Variants in CHEK2 observed in about 807,000 individuals in gnomAD.
The protein encoded by CHEK2 is serine/threonine-protein kinase Chk2.
A neutral mutation model predicts 69.1 loss-of-function variants in CHEK2; 71 were observed. That is an observed-to-expected ratio of 1.03 (90% CI 0.85 to 1.25). The LOEUF (loss-of-function observed/expected upper bound fraction) is 1.25. Among genes scored for constraint, CHEK2 ranks in the 50% most tolerant of loss-of-function variants. The pLI is 0.00. For synonymous variants in CHEK2, 189 were observed against 226.9 expected (o/e 0.83, Z 1.50); for missense variants, 664 against 649.6 (o/e 1.02, Z -0.24).
chr22:28,731,136 G>C (rs2054201944), intron 2 of CHEK2, among the ~76,000 whole-genome samples: 1 of 152,014 alleles, frequency 6.6e-6, no homozygotes, highest in South Asian at 2.1e-4. Context: ...CTGGGAGGCA[G>C]AGGCTGAAGT....
At chr22:28,733,980 G>A (rs547853461) in intron 2 of CHEK2, among the ~76,000 whole-genome samples, 2 of 151,836 alleles carry the variant, frequency 1.3e-5, no homozygotes, top group East Asian at 3.9e-4. Context: ...TTTGCACTCT[G>A]GCCTATGATC....
chr22:28,715,771 A>G (rs1244942800), intron 5 of CHEK2, among the ~76,000 whole-genome samples: 1 of 152,054 alleles, frequency 6.6e-6, no homozygotes, highest in African/African-American at 2.4e-5. Context: ...TACCTGACTC[A>G]TTTGAGTTGA....
rs1365428441 is a variant in CHEK2, at chr22:28,699,831, C to T, written c.1008+7G>A. 1 of 1,605,756 alleles carries T rather than the reference C, an allele frequency of 6.2e-7. No homozygotes were observed. Among genetic ancestry groups the T allele is most frequent in the Non-Finnish European group, 8.5e-7 (1 of 1,172,446 alleles). ...CAGCTGTCAAAAGAATTGAGGGCTTCTTTTACCTGCACAGCCAAGAGCATC... is the reference window on the plus strand; with the variant it reads ...CAGCTGTCAAAAGAATTGAGGGCTTTTTTTACCTGCACAGCCAAGAGCATC... On this transcript the variant is annotated splice_region_variant and intron_variant, in intron 9 of 14. Coordinates refer to ENST00000404276, the MANE Select transcript of CHEK2 (RefSeq NM_007194.4).
chr22:28,719,453 G>T lies in CHEK2; in HGVS notation c.625C>A (p.Gln209Lys). 1 of 1,596,916 alleles carries T rather than the reference G, an allele frequency of 6.3e-7. No homozygotes were observed. The highest frequency in any genetic ancestry group is 1.1e-5 in the South Asian group (1 of 88,932). ...FVFFDLTVDDQSVYPKALRDE... is the reference protein window; with the variant it reads ...FVFFDLTVDDKSVYPKALRDE... Reference sequence around the variant, plus strand: ...CTTAATGCCTTAGGATAAACTGACTGATCATCTACAGTCAGATCAAAAAAG... The same window carrying T: ...CTTAATGCCTTAGGATAAACTGACTTATCATCTACAGTCAGATCAAAAAAG... The change falls in exon 5 of 15, where the codon CAG becomes AAG. Residue 209 changes from glutamine to lysine, a missense_variant. Coordinates refer to ENST00000404276, the MANE Select transcript of CHEK2 (RefSeq NM_007194.4).
intron 5 of CHEK2, among the ~76,000 whole-genome samples, chr22:28,712,563 C>G (rs2053442845): frequency 6.6e-6 from 1 of 152,182 alleles, no homozygotes; most frequent in South Asian, 2.1e-4. Flanking sequence ...AGCCTACTTT[C>G]AGCAACCTCT....
chr22:28,723,264 C>A (rs1223414564), intron 4 of CHEK2, among the ~76,000 whole-genome samples: 1 of 152,158 alleles, frequency 6.6e-6, no homozygotes, highest in Non-Finnish European at 1.5e-5. Flanking sequence ...TAAAGTGAGC[C>A]TCTTACAGAA....
rs587781592 is a variant in CHEK2, at chr22:28,734,571, G to A, written c.151C>T (p.Gln51Ter). 1.2e-6 allele frequency: 2 copies of A among 1,613,958 alleles called. No individual in the cohort carries two copies. The highest frequency in any genetic ancestry group is 1.7e-6 in the Non-Finnish European group (2 of 1,180,006). The change falls in exon 2 of 15, where the codon CAG becomes TAG. Residue 51 changes from glutamine (Q) to a stop codon, truncating the protein, a stop_gained. Coordinates refer to ENST00000404276, the MANE Select transcript of CHEK2 (RefSeq NM_007194.4). LOFTEE classifies it high-confidence loss of function. Reference sequence around the variant, plus strand: ...GTCCCAGAGCTGGAGTGAGAGGACTGGCTGGAGTTTGGCATCGTGCTGGTA... The same window carrying A: ...GTCCCAGAGCTGGAGTGAGAGGACTAGCTGGAGTTTGGCATCGTGCTGGTA... ...SSTSTMPNSSQSSHSSSGTLS... is the reference protein window; with the variant it reads ...SSTSTMPNSS
At chr22:28,707,997 C>T (rs902059174) in intron 7 of CHEK2, among the ~76,000 whole-genome samples, 69 of 151,252 alleles carry the variant, frequency 4.6e-4, no homozygotes, top group African/African-American at 1.5e-3. Context: ...CCACCACGCC[C>T]GGCTAATTTT....
At chr22:28,693,303 G>A (rs2052435203) in intron 13 of CHEK2, among the ~76,000 whole-genome samples, 1 of 152,144 alleles carries the variant, frequency 6.6e-6, no homozygotes, top group South Asian at 2.1e-4. Context: ...CCTAGCAGGA[G>A]CACAGCGGTA....
intron 1 of CHEK2, among the ~76,000 whole-genome samples, chr22:28,736,886 T>C (rs557180074): frequency 4.0e-5 from 6 of 151,714 alleles, no homozygotes; most frequent in Non-Finnish European, 8.8e-5. Context: ...AAGGCTGCAG[T>C]GAGCTATGAT....
In CHEK2 at chr22:28,687,906, A is replaced by C. The variant is rs773670297; in HGVS notation, c.1623T>G (p.Ala541=). 14 of 1,596,316 alleles carry C rather than the reference A, an allele frequency of 8.8e-6. No individual in the cohort carries two copies. The South Asian group carries it at 1.5e-4, about 18-fold the overall frequency. The change falls in exon 15 of 15, where the codon GCT becomes GCG. Residue 541 remains alanine (A), a synonymous_variant. Coordinates refer to ENST00000404276, the MANE Select transcript of CHEK2 (RefSeq NM_007194.4). The part of the protein sequence containing the change: ...ETTKRPAVCA[A]VL Reference sequence around the variant, plus strand: ...GTTCAAACCACGGAGTTCACAACACAGCAGCACACACAGCTGGGCGCTTTG... The same window carrying C: ...GTTCAAACCACGGAGTTCACAACACCGCAGCACACACAGCTGGGCGCTTTG...
At chr22:28,700,070 T>C in intron 8 of CHEK2, 133 bp from the exon 9 acceptor site, 1 of 665,532 alleles carries the variant, frequency 1.5e-6, no homozygotes, top group Non-Finnish European at 2.7e-6. Flanking sequence ...TGACTCTCAT[T>C]TTTAAAACTA....
At chr22:28,703,341 T>C (rs2052963270) in intron 8 of CHEK2, among the ~76,000 whole-genome samples, 164 bp downstream of exon 8, 1 of 152,148 alleles carries the variant, frequency 6.6e-6, no homozygotes, top group African/African-American at 2.4e-5. Context: ...GGAGGGTTTT[T>C]TGGGTTGATA....
chr22:28,705,735 G>C (rs957454925), intron 7 of CHEK2, among the ~76,000 whole-genome samples: 6 of 151,886 alleles, frequency 4.0e-5, no homozygotes, highest in Non-Finnish European at 8.8e-5. Flanking sequence ...TGACCAGCCT[G>C]ACTAACATGG....
At chr22:28,711,787 C>T (rs2053400277) in intron 6 of CHEK2, 122 bp downstream of exon 6, 5 of 733,860 alleles carry the variant, frequency 6.8e-6, no homozygotes, top group Non-Finnish European at 9.6e-6. Flanking sequence ...CTTTGATACT[C>T]ACAAATTCAT....
intron 12 of CHEK2, among the ~76,000 whole-genome samples, chr22:28,694,852 A>T (rs2052500391): frequency 6.6e-6 from 1 of 152,204 alleles, no homozygotes; most frequent in Non-Finnish European, 1.5e-5. Context: ...AAACCTTTTA[A>T]GGTAGGGTTT....
chr22:28,724,952 A>G (rs1472585704), intron 4 of CHEK2, 25 bp downstream of exon 4: 2 of 1,613,134 alleles, frequency 1.2e-6, no homozygotes. Flanking sequence ...AAAAAATTCC[A>G]GTAACCATAA....
rs564924749 is a variant in CHEK2 at position 28,725,107 on chromosome 22, G to C, written c.462C>G (p.Asn154Lys). 20 of 1,614,072 alleles carry C rather than the reference G, an allele frequency of 1.2e-5. No homozygotes were observed. The South Asian group carries it at 1.9e-4, about 15-fold the overall frequency. The change falls in exon 4 of 15, where the codon AAC becomes AAG. Residue 154 changes from asparagine to lysine, a missense_variant. Physicochemically the swap from Asn to Lys is moderately conservative, Grantham distance 94. Coordinates refer to ENST00000404276, the MANE Select transcript of CHEK2 (RefSeq NM_007194.4). ...FRIFREVGPK[N>K]SYIAYIEDHS... Reference sequence around the variant, plus strand: ...GATCTTCTATGTATGCAATGTAAGAGTTTTTAGGACCCACTTCCTAAAATA... The same window carrying C: ...GATCTTCTATGTATGCAATGTAAGACTTTTTAGGACCCACTTCCTAAAATA...
chr22:28,737,473 TC>T, intron 1 of CHEK2: 1 of 220,592 alleles, frequency 4.5e-6, no homozygotes, highest in Non-Finnish European at 9.5e-6. Context: ...ACTGATTATT[TC>T]TTTTTTTTTT....
Sources: allele counts gnomAD v4.1 joint callset (sites outside exome capture counted in the v4.1 genomes callset), GRCh38; gene constraint gnomAD v4.1.1; transcripts MANE v1.5; gene names NCBI Gene and HGNC (gene_info 2026-07-23, HGNC 2026-07-21).